Variants in CSMD1 observed in about 807,000 individuals in gnomAD.
The protein encoded by CSMD1 is CUB and sushi domain-containing protein 1.
A neutral mutation model predicts 417.5 loss-of-function variants in CSMD1; 213 were observed. The observed-to-expected ratio is 0.51, with a 90% CI of 0.46 to 0.57. The LOEUF (loss-of-function observed/expected upper bound fraction) is 0.57, where lower values mean the gene tolerates loss of function less well. CSMD1 is among the 20% of genes least tolerant of loss of function. The probability of loss-of-function intolerance (pLI) is 0.00; values close to 1 mark genes in which losing one functional copy is unlikely to be tolerated. For synonymous variants in CSMD1, 2,862 were observed against 1,736.8 expected (o/e 1.65, Z -16.11); for missense variants, 6,923 against 4,529.7 (o/e 1.53, Z -15.17).
rs561657740 is a variant in CSMD1 at position 2,998,190 on chromosome 8, G to C, written c.8204-6C>G. On this transcript the variant is annotated splice_polypyrimidine_tract_variant and splice_region_variant and intron_variant, in intron 53 of 69. Transcript: ENST00000635120. ...AGGGTGACCACATGTGATGGCTGTA[G>C]AGAGACAGGTCAACGTCATTGTTAA... 6.8e-6 allele frequency: 11 copies of C among 1,613,578 alleles called. No homozygotes were observed. The highest frequency in any genetic ancestry group is 3.3e-5 in the Admixed American group (2 of 60,012).
At chr8:4,238,867 T>C (rs1045377651) in intron 3 of CSMD1, among the ~76,000 whole-genome samples, 10 of 152,126 alleles carry the variant, frequency 6.6e-5, no homozygotes, top group Non-Finnish European at 7.3e-5. Flanking sequence ...CGATAGCAAA[T>C]GCAATTTTTT....
chr8:3,127,583 A>G (rs1026894802), intron 41 of CSMD1: 2 of 152,218 alleles, frequency 1.3e-5, no homozygotes, highest in African/African-American at 4.8e-5. Context: ...AAAATTCAGC[A>G]GTTTTATGAT....
intron 5 of CSMD1, among the ~76,000 whole-genome samples, chr8:3,841,790 A>G (rs562619053): frequency 6.6e-6 from 1 of 152,238 alleles, no homozygotes; most frequent in Non-Finnish European, 1.5e-5. Context: ...ATTAGTAAAT[A>G]CGTGCAAATC....
chr8:4,382,357 T>C (rs1332586173), intron 3 of CSMD1, among the ~76,000 whole-genome samples: 2 of 152,194 alleles, frequency 1.3e-5, no homozygotes, highest in East Asian at 1.9e-4. Flanking sequence ...GGTCGACCAA[T>C]GACACACATT....
At chr8:3,976,345 A>C (rs1377229209) in intron 5 of CSMD1, among the ~76,000 whole-genome samples, 1 of 152,196 alleles carries the variant, frequency 6.6e-6, no homozygotes, top group East Asian at 1.9e-4. Flanking sequence ...CTAAAACTGA[A>C]AGGTAACTAT....
intron 7 of CSMD1, among the ~76,000 whole-genome samples, chr8:3,666,572 T>C (rs1212724941): frequency 6.6e-6 from 1 of 152,136 alleles, no homozygotes; most frequent in Non-Finnish European, 1.5e-5. Context: ...CCCACCCAAA[T>C]CTCATCTTGA....
chr8:3,272,392 C>G (rs1205788781), intron 26 of CSMD1, among the ~76,000 whole-genome samples: 2 of 150,912 alleles, frequency 1.3e-5, no homozygotes, highest in East Asian at 3.9e-4. Flanking sequence ...TCTTTTGGCT[C>G]AGGACTGACT....
chr8:3,749,293 C>A (rs1797206409), intron 6 of CSMD1, among the ~76,000 whole-genome samples: 1 of 152,156 alleles, frequency 6.6e-6, no homozygotes, highest in African/African-American at 2.4e-5. Flanking sequence ...ATATATACAG[C>A]AGATATTGCA....
chr8:4,148,528 AAACGCATTGGCT>A (rs1310404668), intron 3 of CSMD1, among the ~76,000 whole-genome samples: 24 of 152,266 alleles, frequency 1.6e-4, no homozygotes, highest in Admixed American at 1.5e-3. Flanking sequence ...TTAAAAAAAA[AAACGCATTGGCT>A]ACTTGGAGTT....
intron 1 of CSMD1, among the ~76,000 whole-genome samples, chr8:4,672,686 G>T (rs1165909471): frequency 6.7e-6 from 1 of 150,026 alleles, no homozygotes; most frequent in Non-Finnish European, 1.5e-5. Context: ...AGGGGAGAAA[G>T]GAAGTAAGAC....
intron 1 of CSMD1, among the ~76,000 whole-genome samples, chr8:4,869,356 T>A (rs912711086): frequency 2.6e-5 from 4 of 152,086 alleles, no homozygotes; most frequent in Admixed American, 1.3e-4. Flanking sequence ...TTCCTTTATG[T>A]TAATGCTCTC....
At chr8:4,698,711 C>A (rs1225925955) in intron 1 of CSMD1, among the ~76,000 whole-genome samples, 1 of 150,316 alleles carries the variant, frequency 6.7e-6, no homozygotes, top group African/African-American at 2.5e-5. Context: ...GAGCATTTTC[C>A]TTCCACCTTC....
chr8:4,455,928 C>CCAA, intron 2 of CSMD1, among the ~76,000 whole-genome samples: 2 of 2,434 alleles, frequency 8.2e-4, no homozygotes, highest in Non-Finnish European at 1.8e-3. Context: ...GACTCCAACT[C>CCAA]CAAAAAAAAA....
intron 2 of CSMD1, among the ~76,000 whole-genome samples, chr8:4,491,548 G>A (rs1801702462): frequency 6.7e-6 from 1 of 150,192 alleles, no homozygotes; most frequent in South Asian, 2.2e-4. Flanking sequence ...CCTGGAAAAT[G>A]ATTTTGCAAT....
chr8:3,331,443 G>A (rs1806891240), intron 23 of CSMD1, among the ~76,000 whole-genome samples: 1 of 152,184 alleles, frequency 6.6e-6, no homozygotes, highest in Non-Finnish European at 1.5e-5. Flanking sequence ...TGCTTATGAT[G>A]TATCAGTGGG....
intron 3 of CSMD1, among the ~76,000 whole-genome samples, chr8:4,408,944 T>G (rs1796494899): frequency 6.6e-6 from 1 of 152,226 alleles, no homozygotes; most frequent in South Asian, 2.1e-4. Context: ...AATTTACATG[T>G]TGCATTCAAA....
At chr8:4,339,515 T>C (rs934717674) in intron 3 of CSMD1, among the ~76,000 whole-genome samples, 1 of 152,096 alleles carries the variant, frequency 6.6e-6, no homozygotes, top group Non-Finnish European at 1.5e-5. Context: ...TTTATAAGAC[T>C]TCAATTTCAG....
At chr8:4,292,390 C>G (rs1032380590) in intron 3 of CSMD1, among the ~76,000 whole-genome samples, 2 of 151,964 alleles carry the variant, frequency 1.3e-5, no homozygotes, top group African/African-American at 2.4e-5. Context: ...GTACCTGGGA[C>G]TACAGGTGCC....
chr8:4,347,890 A>G (rs968247445), intron 3 of CSMD1, among the ~76,000 whole-genome samples: 1 of 151,976 alleles, frequency 6.6e-6, no homozygotes, highest in Admixed American at 6.6e-5. Context: ...ATCCATGATA[A>G]GAAAAAAATA....
Sources: allele counts gnomAD v4.1 joint callset (sites outside exome capture counted in the v4.1 genomes callset), GRCh38; gene constraint gnomAD v4.1.1; transcripts MANE v1.5; gene names NCBI Gene and HGNC (gene_info 2026-07-23, HGNC 2026-07-21).